The following CPNE4 variants were observed in gnomAD, a reference collection of about 807,000 sequenced individuals.
CPNE4 encodes the protein copine-4.
Under a neutral mutation model 67.9 loss-of-function variants are expected in CPNE4, and 25 were observed. The ratio of observed to expected loss-of-function variants is 0.37; its 90% CI spans 0.27 to 0.51. The LOEUF is 0.51. CPNE4 is among the 20% of genes least tolerant of loss of function. CPNE4 has a pLI of 0.93. For synonymous variants in CPNE4, 242 were observed against 244.9 expected, an observed-to-expected ratio of 0.99 and a Z score of 0.11; for missense variants, 464 against 690.8, an observed-to-expected ratio of 0.67 and a Z score of 3.68.
chr3:131,751,709 A>AT (rs977937228), intron 2 of CPNE4, among the ~76,000 whole-genome samples: 2 of 149,432 alleles, frequency 1.3e-5, no homozygotes, highest in African/African-American at 2.5e-5. Context: ...AAACCTAGAC[A>AT]TTTTTTTGTA....
intron 2 of CPNE4, among the ~76,000 whole-genome samples, chr3:131,845,735 C>T (rs1441602318): frequency 6.6e-6 from 1 of 152,024 alleles, no homozygotes; most frequent in Non-Finnish European, 1.5e-5. Flanking sequence ...TCAATAAAAG[C>T]AACTCGATGA....
At chr3:131,877,830 CA>C (rs2087519238) in intron 2 of CPNE4, among the ~76,000 whole-genome samples, 1 of 152,124 alleles carries the variant, frequency 6.6e-6, no homozygotes, top group South Asian at 2.1e-4. Flanking sequence ...ATTTATTACA[CA>C]GAGGTATGTC....
intron 2 of CPNE4, among the ~76,000 whole-genome samples, chr3:131,778,050 T>G (rs1214264104): frequency 6.6e-6 from 1 of 152,146 alleles, no homozygotes; most frequent in African/African-American, 2.4e-5. Flanking sequence ...TTTTACAAAC[T>G]GCTGTTTGCA....
At chr3:131,944,113 A>C (rs1462281137) in intron 1 of CPNE4, among the ~76,000 whole-genome samples, 15 of 152,134 alleles carry the variant, frequency 9.9e-5, no homozygotes, top group Non-Finnish European at 2.9e-5. Flanking sequence ...CATCAGCACT[A>C]AAAATGTTAA....
chr3:131,920,882 G>A (rs1225055), intron 1 of CPNE4, among the ~76,000 whole-genome samples: 1 of 151,978 alleles, frequency 6.6e-6, no homozygotes, highest in Non-Finnish European at 1.5e-5. Flanking sequence ...CTCCCTCTCC[G>A]CAAATTGAGC....
intron 2 of CPNE4, among the ~76,000 whole-genome samples, chr3:131,871,986 T>A (rs978145708): frequency 6.6e-6 from 1 of 152,142 alleles, no homozygotes. Flanking sequence ...GCCCCACATA[T>A]CCTTCTTATA....
At chr3:131,604,447 G>A (rs1032640628) in intron 7 of CPNE4, among the ~76,000 whole-genome samples, 3 of 152,092 alleles carry the variant, frequency 2.0e-5, no homozygotes, top group Non-Finnish European at 2.9e-5. Context: ...TTAATCCTGG[G>A]TGTATCTGTG....
intron 10 of CPNE4, among the ~76,000 whole-genome samples, chr3:131,565,328 C>G (rs1936999760): frequency 6.6e-6 from 1 of 151,968 alleles, no homozygotes; most frequent in African/African-American, 2.4e-5. Flanking sequence ...GAGTAGAATA[C>G]ATTCATTGGC....
chr3:131,725,738 C>T (rs540629870), intron 2 of CPNE4, among the ~76,000 whole-genome samples: 1 of 152,280 alleles, frequency 6.6e-6, no homozygotes, highest in African/African-American at 2.4e-5. Context: ...AAGTATTTTT[C>T]CCTTCATTTT....
chr3:131,563,467 C>T (rs966109537), intron 11 of CPNE4, among the ~76,000 whole-genome samples: 1 of 151,994 alleles, frequency 6.6e-6, no homozygotes, highest in South Asian at 2.1e-4. Context: ...ATGCAAGATA[C>T]TCCTTACAGG....
chr3:131,748,902 T>TTCAAA (rs36152702), intron 2 of CPNE4, among the ~76,000 whole-genome samples: 3 of 151,982 alleles, frequency 2.0e-5, no homozygotes, highest in East Asian at 1.9e-4. Context: ...ATTGATTTTT[T>TTCAAA]CAAACAATTC....
chr3:131,653,950 G>A (rs1422178428), intron 7 of CPNE4, among the ~76,000 whole-genome samples: 1 of 152,170 alleles, frequency 6.6e-6, no homozygotes, highest in African/African-American at 2.4e-5. Flanking sequence ...AATCTAACAA[G>A]GGATTTAATG....
intron 2 of CPNE4, among the ~76,000 whole-genome samples, chr3:131,784,640 T>C (rs2083510084): frequency 6.6e-6 from 1 of 152,134 alleles, no homozygotes; most frequent in Non-Finnish European, 1.5e-5. Context: ...CCTCAAAAAG[T>C]CTCCAGTGGG....
intron 1 of CPNE4, among the ~76,000 whole-genome samples, chr3:132,000,267 T>A (rs765886378): frequency 3.9e-5 from 6 of 152,030 alleles, no homozygotes; most frequent in Non-Finnish European, 8.8e-5. Flanking sequence ...GATTCAGCTA[T>A]AGAATTTAGA....
chr3:131,858,555 A>G (rs1436531619), intron 2 of CPNE4, among the ~76,000 whole-genome samples: 1 of 152,102 alleles, frequency 6.6e-6, no homozygotes, highest in Non-Finnish European at 1.5e-5. Flanking sequence ...GGCATGAAAG[A>G]TATCTTAGGT....
At chr3:131,738,152 T>G (rs145037131) in intron 2 of CPNE4, among the ~76,000 whole-genome samples, 1 of 152,266 alleles carries the variant, frequency 6.6e-6, no homozygotes, top group Non-Finnish European at 1.5e-5. Context: ...GCAGTGTTTA[T>G]TGGCCACACT....
Position 131,653,143 on chromosome 3 carries a change from CTTTTT to C in CPNE4, c.681+16527_681+16531del, listed in dbSNP as rs1206489252. Among the ~76,000 whole-genome samples the C allele has an allele frequency of 9.1e-5, 9 of 98,568 alleles. No individual in the cohort carries two copies. The South Asian group carries it at 2.1e-3, about 23-fold the overall frequency. The allele number at this position is 98,568 out of a possible 152,430, so 64.7% of individuals were successfully genotyped here. A position where few individuals can be genotyped will look rare whatever the true frequency, so the allele number is the denominator to read the frequency against. ...CTCACATGGATTACTGATAGGACTT[CTTTTT>C]TTTTTTTTTTTTTTTTTTGAGACGG... On this transcript the variant is annotated intron_variant, in intron 7 of 15. Transcript: ENST00000429747.
chr3:131,977,561 C>T (rs1343074717), intron 1 of CPNE4, among the ~76,000 whole-genome samples: 1 of 152,092 alleles, frequency 6.6e-6, no homozygotes, highest in African/African-American at 2.4e-5. Flanking sequence ...CACACACACG[C>T]ACATACATAT....
chr3:131,842,927 G>A (rs1283592502), intron 2 of CPNE4, among the ~76,000 whole-genome samples: 1 of 151,920 alleles, frequency 6.6e-6, no homozygotes, highest in South Asian at 2.1e-4. Context: ...AGACAAATAC[G>A]GCATATAAGA....
Sources: gnomAD v4.1 joint callset for allele counts (sites outside exome capture counted in the v4.1 genomes callset) on GRCh38, gnomAD v4.1.1 for gene constraint, MANE v1.5 for transcripts, NCBI Gene and HGNC (gene_info 2026-07-23, HGNC 2026-07-21) for gene names.